The following APP variants were observed in gnomAD, a reference collection of about 807,000 sequenced individuals.
The protein encoded by APP is amyloid-beta precursor protein.
Under a neutral mutation model 101.4 loss-of-function variants are expected in APP, and 31 were observed. The observed-to-expected ratio is 0.31, with a 90% CI of 0.23 to 0.41. The LOEUF (loss-of-function observed/expected upper bound fraction) is 0.41, where lower values mean the gene tolerates loss of function less well. APP is among the 10% of genes least tolerant of loss of function. APP has a pLI of 1.00. For synonymous variants in APP, 366 were observed against 364.4 expected (o/e 1.00, Z -0.05); for missense variants, 839 against 1,003.7 (o/e 0.84, Z 2.22).
chr21:26,029,958 A>G (rs559659413), intron 5 of APP, among the ~76,000 whole-genome samples: 34 of 151,780 alleles, frequency 2.2e-4, no homozygotes, highest in Admixed American at 2.2e-3. Flanking sequence ...GTGAATTTCT[A>G]AAAAAAAATT....
chr21:26,002,757 C>G (rs147631787), intron 6 of APP, among the ~76,000 whole-genome samples: 1 of 152,042 alleles, frequency 6.6e-6, no homozygotes, highest in South Asian at 2.1e-4. Flanking sequence ...TTATGCTGAC[C>G]CTCACATTTT....
chr21:26,037,044 A>G (rs2045148175), intron 5 of APP, among the ~76,000 whole-genome samples: 1 of 152,166 alleles, frequency 6.6e-6, no homozygotes, highest in South Asian at 2.1e-4. Flanking sequence ...AAGCCATACA[A>G]AAGAATAAAA....
chr21:25,893,976 T>C (rs1046448288), intron 16 of APP, among the ~76,000 whole-genome samples: 1 of 152,222 alleles, frequency 6.6e-6, no homozygotes, highest in Admixed American at 6.5e-5. Context: ...GACTTTGTTT[T>C]TGAAGCCAAG....
chr21:25,882,351 A>AGGG (rs369207778), intron 17 of APP, among the ~76,000 whole-genome samples: 88 of 149,578 alleles, frequency 5.9e-4, no homozygotes, highest in African/African-American at 2.0e-3. Context: ...CATATACCAA[A>AGGG]GGGGGCTATT....
intron 1 of APP, among the ~76,000 whole-genome samples, chr21:26,163,075 A>C (rs184670230): frequency 2.4e-4 from 29 of 119,294 alleles, no homozygotes; most frequent in African/African-American, 7.4e-4. Flanking sequence ...TAAAAAAAAA[A>C]AAAACAAAAA....
At chr21:26,069,911 C>A (rs1412954992) in intron 3 of APP, among the ~76,000 whole-genome samples, 1 of 152,122 alleles carries the variant, frequency 6.6e-6, no homozygotes, top group Non-Finnish European at 1.5e-5. Context: ...ATATTGTTAA[C>A]AATAACAAGA....
At chr21:25,885,852 T>C (rs752055399) in intron 17 of APP, among the ~76,000 whole-genome samples, 3 of 152,186 alleles carry the variant, frequency 2.0e-5, no homozygotes, top group Non-Finnish European at 1.5e-5. Flanking sequence ...CAGAGTAATT[T>C]AGAGCTCAGC....
chr21:25,995,813 C>G (rs1183964095), intron 8 of APP, among the ~76,000 whole-genome samples: 1 of 152,132 alleles, frequency 6.6e-6, no homozygotes, highest in Non-Finnish European at 1.5e-5. Context: ...GTGAATTATT[C>G]TGAATATTTT....
At chr21:26,145,010 T>C (rs551276145) in intron 1 of APP, among the ~76,000 whole-genome samples, 1 of 152,350 alleles carries the variant, frequency 6.6e-6, no homozygotes, top group Non-Finnish European at 1.5e-5. Context: ...TTCAACTTTA[T>C]AAAAGTAATG....
At chr21:26,011,985 G>A (rs966116820) in intron 6 of APP, among the ~76,000 whole-genome samples, 45 of 151,808 alleles carry the variant, frequency 3.0e-4, no homozygotes, top group Non-Finnish European at 1.3e-4. Flanking sequence ...TAAATATAGC[G>A]TAACCTTTAA....
intron 13 of APP, among the ~76,000 whole-genome samples, chr21:25,952,009 T>C (rs1324270073): frequency 1.3e-5 from 2 of 152,178 alleles, no homozygotes; most frequent in Admixed American, 6.5e-5. Flanking sequence ...GGGTTCGTTA[T>C]TGCAAACTTC....
chr21:26,089,878 T>C, intron 3 of APP, 65 bp downstream of exon 3: 8 of 1,608,632 alleles, frequency 5.0e-6, no homozygotes, highest in Non-Finnish European at 6.8e-6. Context: ...AACAGGAGCA[T>C]CCTCTTTTTC....
At chr21:25,989,142 CTG>C (rs1245113733) in intron 8 of APP, among the ~76,000 whole-genome samples, 3 of 152,158 alleles carry the variant, frequency 2.0e-5, no homozygotes, top group African/African-American at 7.2e-5. Flanking sequence ...TCTGAGAAAA[CTG>C]TTAGCATTTG....
chr21:25,915,701 G>C (rs888755986), intron 13 of APP, among the ~76,000 whole-genome samples: 1 of 152,230 alleles, frequency 6.6e-6, no homozygotes, highest in African/African-American at 2.4e-5. Context: ...GCCCATCTTA[G>C]CCCTTGGCAG....
intron 9 of APP, among the ~76,000 whole-genome samples, chr21:25,981,504 T>C (rs533467132): frequency 1.4e-4 from 21 of 152,258 alleles, no homozygotes; most frequent in African/African-American, 4.1e-4. Flanking sequence ...TATTTGTTGA[T>C]TGAATGAATG....
At chr21:26,132,832 A>C (rs190678913) in intron 1 of APP, among the ~76,000 whole-genome samples, 2 of 152,362 alleles carry the variant, frequency 1.3e-5, no homozygotes, top group East Asian at 3.8e-4. Context: ...TCGGGTTGAC[A>C]TGGTCTAAGA....
intron 3 of APP, among the ~76,000 whole-genome samples, chr21:26,055,526 T>C (rs1281743036): frequency 1.3e-5 from 2 of 152,044 alleles, no homozygotes; most frequent in Non-Finnish European, 2.9e-5. Flanking sequence ...TTTCTCAGGG[T>C]TTCTGAGGGC....
At chr21:25,897,405 C>A (rs1055900613) in intron 16 of APP, among the ~76,000 whole-genome samples, 168 bp downstream of exon 16, 9 of 152,172 alleles carry the variant, frequency 5.9e-5, no homozygotes, top group Admixed American at 5.9e-4. Flanking sequence ...TGAGCCACTG[C>A]GCTCAGCCTA....
chr21:26,071,019 C>A (rs928978464), intron 3 of APP, among the ~76,000 whole-genome samples: 2 of 152,076 alleles, frequency 1.3e-5, no homozygotes, highest in African/African-American at 2.4e-5. Flanking sequence ...AGGCAGAGCA[C>A]GAGTGTCATT....
Sources: gnomAD v4.1 joint callset for allele counts (sites outside exome capture counted in the v4.1 genomes callset) on GRCh38, gnomAD v4.1.1 for gene constraint, MANE v1.5 for transcripts, NCBI Gene and HGNC (gene_info 2026-07-23, HGNC 2026-07-21) for gene names.